Variants in LIPA observed in about 807,000 individuals in gnomAD.
The protein encoded by LIPA is lipase A, lysosomal acid type, also known as lysosomal acid lipase/cholesteryl ester hydrolase.
In LIPA, 26 loss-of-function variants were observed where a neutral mutation model predicts 40.6. That is an observed-to-expected ratio of 0.64 (90% CI 0.47 to 0.89). LIPA has a LOEUF of 0.89. Ranked by LOEUF, LIPA falls within the 40% of genes least tolerant of loss-of-function variation. The pLI, the probability that LIPA is intolerant of heterozygous loss-of-function variation, is 0.00. For missense variants in LIPA, 455 were observed against 479.6 expected (o/e 0.95, Z 0.48); for synonymous variants, 188 against 168.4 (o/e 1.12, Z -0.90).
intron 1 of LIPA, among the ~76,000 whole-genome samples, chr10:89,336,207 T>G (rs1308811098): frequency 3.1e-4 from 32 of 103,454 alleles, no homozygotes; most frequent in Admixed American, 3.2e-4. Context: ...AGAAGGAAAA[T>G]AGGGAGGGAG....
chr10:89,369,198 A>G (rs770694540), intron 2 of LIPA, among the ~76,000 whole-genome samples: 1 of 152,200 alleles, frequency 6.6e-6, no homozygotes, highest in Non-Finnish European at 1.5e-5. Flanking sequence ...CAAAAGAAGC[A>G]TTCACTCCAA....
chr10:89,384,833 C>A (rs1844194020), intron 2 of LIPA: 3 of 1,149,304 alleles, frequency 2.6e-6, no homozygotes, highest in South Asian at 1.5e-5. Flanking sequence ...GGAAATTTAC[C>A]TTATTTTGAG....
rs115499532 is a variant in LIPA at position 89,366,484 on chromosome 10, T to A, written c.61+46307A>T. 1.0e-2 allele frequency among the ~76,000 whole-genome samples: 1,516 copies of A among 152,182 alleles called. 28 individuals carry two copies. Among genetic ancestry groups the A allele is most frequent in the African/African-American group, 0.035 (1,443 of 41,510 alleles). The stretch of plus-strand genomic sequence containing the variant: ...CCCTGGCCAGAACTTTTTACAAATT[T>A]ATAAGAAAAAATTTTTTCACAAATT... On this transcript the variant is annotated intron_variant, in intron 2 of 8. Transcript: ENST00000371837.
At chr10:89,367,926 G>A (rs777516839) in intron 2 of LIPA, among the ~76,000 whole-genome samples, 8 of 152,086 alleles carry the variant, frequency 5.3e-5, no homozygotes, top group South Asian at 4.1e-4. Flanking sequence ...TCAAGCAATC[G>A]TTCCACCCCA....
At chr10:89,383,961 T>C in intron 2 of LIPA, 2 of 1,614,182 alleles carry the variant, frequency 1.2e-6, no homozygotes, top group East Asian at 4.5e-5. Context: ...ATCCAGATGA[T>C]GTATATATTA....
intron 1 of LIPA, among the ~76,000 whole-genome samples, chr10:89,290,618 T>G (rs982731911): frequency 7.9e-5 from 12 of 152,236 alleles, no homozygotes; most frequent in African/African-American, 2.9e-4. Context: ...TGTCCCTGCC[T>G]TAACTGATGA....
At chr10:89,233,085 G>A (rs576022507) in intron 3 of LIPA, among the ~76,000 whole-genome samples, 2 of 152,238 alleles carry the variant, frequency 1.3e-5, no homozygotes, top group East Asian at 3.9e-4. Flanking sequence ...TCCTTTGAAG[G>A]AGGCTTCCAG....
At chr10:89,261,474 C>A (rs796359757) in intron 1 of LIPA, among the ~76,000 whole-genome samples, 5 of 151,992 alleles carry the variant, frequency 3.3e-5, no homozygotes, top group African/African-American at 1.2e-4. Flanking sequence ...CATTGCACTC[C>A]AGCCGGGGTG....
At chr10:89,230,078 G>A (rs1842822210) in intron 3 of LIPA, among the ~76,000 whole-genome samples, 1 of 152,168 alleles carries the variant, frequency 6.6e-6, no homozygotes, top group South Asian at 2.1e-4. Flanking sequence ...ACCCGAGACA[G>A]TGATATAGCA....
intron 1 of LIPA, among the ~76,000 whole-genome samples, chr10:89,248,449 TTTATTTATTTA>T (rs1843065603): frequency 5.5e-4 from 19 of 34,430 alleles, no homozygotes; most frequent in African/African-American, 3.2e-3. Flanking sequence ...TTTATATTTA[TTTATTTATTTA>T]TTTATTTATT....
chr10:89,313,732 T>C (rs909909365), intron 1 of LIPA, among the ~76,000 whole-genome samples: 15 of 152,238 alleles, frequency 9.9e-5, no homozygotes, highest in South Asian at 2.1e-4. Context: ...TACTGATACA[T>C]GATACAACAC....
intron 1 of LIPA, among the ~76,000 whole-genome samples, chr10:89,303,685 T>C (rs1843460103): frequency 6.6e-6 from 1 of 152,202 alleles, no homozygotes; most frequent in Non-Finnish European, 1.5e-5. Flanking sequence ...AGACTTTATG[T>C]TTTATATGGT....
chr10:89,399,033 A>G (rs950841099), intron 2 of LIPA, among the ~76,000 whole-genome samples: 3 of 137,094 alleles, frequency 2.2e-5, no homozygotes, highest in African/African-American at 6.1e-5. Context: ...AATAATTGTT[A>G]TATCCTGCTT....
At chr10:89,334,478 C>CTTTTTTTTTTTTTTTTTTTTTTTTTTTT (rs578154457) in intron 1 of LIPA, among the ~76,000 whole-genome samples, 4 of 25,314 alleles carry the variant, frequency 1.6e-4, no homozygotes, top group Non-Finnish European at 2.8e-4. Context: ...TTCTTTTATT[C>CTTTTTTTTTTTTTTTTTTTTTTTTTTTT]TTTTTTTTTT....
chr10:89,358,988 A>G (rs946518037), intron 2 of LIPA, among the ~76,000 whole-genome samples: 2 of 152,240 alleles, frequency 1.3e-5, no homozygotes, highest in African/African-American at 4.8e-5. Flanking sequence ...TTTGATGATT[A>G]CACACTGTAT....
intron 1 of LIPA, among the ~76,000 whole-genome samples, chr10:89,289,533 C>G (rs866393996): frequency 3.9e-5 from 6 of 152,188 alleles, no homozygotes; most frequent in African/African-American, 1.4e-4. Flanking sequence ...AGAGGCCTTT[C>G]CCACAGGGTC....
chr10:89,328,638 T>C (rs1843621923), intron 1 of LIPA, among the ~76,000 whole-genome samples: 1 of 152,206 alleles, frequency 6.6e-6, no homozygotes, highest in South Asian at 2.1e-4. Context: ...AGGTGGGAAG[T>C]GGAAGAAACA....
chr10:89,405,657 T>C (rs1373239640), intron 2 of LIPA: 3 of 152,200 alleles, frequency 2.0e-5, no homozygotes, highest in Admixed American at 2.0e-4. Context: ...CTTTCATCCA[T>C]CTTAAAAACC....
rs967926762 is a variant in LIPA, at chr10:89,377,703, C to A, written c.61+35088G>T. Among the ~76,000 whole-genome samples, 6 of 152,278 alleles carry A rather than the reference C, an allele frequency of 3.9e-5. No homozygotes were observed. In the South Asian group the frequency reaches 1.2e-3, roughly 32 times the overall value. On this transcript the variant is annotated intron_variant, in intron 2 of 8. Coordinates refer to the LIPA transcript ENST00000371837. ...TGTAGACGTCCCTGGAACCACCTGGCGGGATACATGTGATAGTAACAAGTT... is the reference window on the plus strand; with the variant it reads ...TGTAGACGTCCCTGGAACCACCTGGAGGGATACATGTGATAGTAACAAGTT...
Sources: gnomAD v4.1 joint callset for allele counts (sites outside exome capture counted in the v4.1 genomes callset) on GRCh38, gnomAD v4.1.1 for gene constraint, MANE v1.5 for transcripts, NCBI Gene and HGNC (gene_info 2026-07-23, HGNC 2026-07-21) for gene names.